Variants in IL1RAPL2 observed in about 807,000 individuals in gnomAD.
The protein encoded by IL1RAPL2 is X-linked interleukin-1 receptor accessory protein-like 2.
A neutral mutation model predicts 44.1 loss-of-function variants in IL1RAPL2; 3 were observed. The observed-to-expected ratio is 0.07, with a 90% CI of 0.03 to 0.18. The LOEUF (loss-of-function observed/expected upper bound fraction) is 0.18, where lower values mean the gene tolerates loss of function less well. Ranked by LOEUF, IL1RAPL2 falls within the 10% of genes least tolerant of loss-of-function variation. IL1RAPL2 has a pLI of 1.00. For synonymous variants in IL1RAPL2, 181 were observed against 178.8 expected (o/e 1.01, Z -0.10); for missense variants, 391 against 496.4 (o/e 0.79, Z 2.02).
intron 2 of IL1RAPL2, among the ~76,000 whole-genome samples, chrX:104,676,213 G>C (rs746420763): frequency 1.8e-5 from 2 of 111,546 alleles, no homozygotes; most frequent in African/African-American, 6.5e-5. Flanking sequence ...TTTACATTTT[G>C]GCATGATTTT....
At chrX:104,957,524 G>A (rs775951887) in intron 2 of IL1RAPL2, among the ~76,000 whole-genome samples, 1 of 111,354 alleles carries the variant, frequency 9.0e-6, no homozygotes, top group Non-Finnish European at 1.9e-5. Context: ...TAGTGTAATT[G>A]GATTTTGAGG....
At chrX:104,625,976 A>G (rs1198865899) in intron 1 of IL1RAPL2, among the ~76,000 whole-genome samples, 1 of 111,215 alleles carries the variant, frequency 9.0e-6, no homozygotes, top group Non-Finnish European at 1.9e-5. Context: ...GTAAACTGAC[A>G]GTATTTTACT....
intron 1 of IL1RAPL2, among the ~76,000 whole-genome samples, chrX:104,656,098 A>G (rs1036432050): frequency 3.1e-4 from 34 of 110,585 alleles, no homozygotes; most frequent in African/African-American, 9.8e-4. Flanking sequence ...TGGTCTATCA[A>G]TTTTTTTGAT....
At chrX:104,898,265 A>G (rs778632813) in intron 2 of IL1RAPL2, among the ~76,000 whole-genome samples, 16 of 111,721 alleles carry the variant, frequency 1.4e-4, no homozygotes, top group Non-Finnish European at 2.3e-4. Context: ...AAAATCTGGA[A>G]AGACAAGTAC....
intron 2 of IL1RAPL2, among the ~76,000 whole-genome samples, chrX:104,791,519 T>C (rs1040328370): frequency 8.9e-6 from 1 of 111,822 alleles, no homozygotes; most frequent in Non-Finnish European, 1.9e-5. Flanking sequence ...AACACACACA[T>C]ATACCCATGG....
At chrX:105,067,238 G>A (rs756334803) in intron 2 of IL1RAPL2, among the ~76,000 whole-genome samples, 5 of 110,495 alleles carry the variant, frequency 4.5e-5, no homozygotes, top group Non-Finnish European at 7.6e-5. Flanking sequence ...ACATACACAC[G>A]TGTGCGCGCA....
At chrX:105,368,113 G>T (rs754289511) in intron 5 of IL1RAPL2, among the ~76,000 whole-genome samples, 1 of 110,750 alleles carries the variant, frequency 9.0e-6, no homozygotes, top group African/African-American at 3.3e-5. Flanking sequence ...TTTTTGGGTC[G>T]TGGGGACACA....
intron 2 of IL1RAPL2, among the ~76,000 whole-genome samples, chrX:104,947,946 C>A (rs1233792168): frequency 9.0e-6 from 1 of 111,458 alleles, no homozygotes; most frequent in African/African-American, 3.3e-5. Context: ...TTTTCCAATT[C>A]TGTGAAGAAA....
intron 6 of IL1RAPL2, among the ~76,000 whole-genome samples, chrX:105,518,645 C>T (rs1273144215): frequency 8.9e-6 from 1 of 111,793 alleles, no homozygotes; most frequent in Non-Finnish European, 1.9e-5. Flanking sequence ...CTGCGAGTCT[C>T]TTTAGGATTG....
chrX:105,576,499 A>G (rs189082070), intron 6 of IL1RAPL2, among the ~76,000 whole-genome samples: 3 of 111,477 alleles, frequency 2.7e-5, no homozygotes, highest in Admixed American at 9.6e-5. Context: ...TAGTAAGTCA[A>G]TAGGTCAGCA....
At chrX:105,198,199 C>T (rs189039227) in intron 3 of IL1RAPL2, among the ~76,000 whole-genome samples, 139 of 111,574 alleles carry the variant, frequency 1.2e-3, no homozygotes, top group African/African-American at 3.3e-3. Context: ...AATAGCACTA[C>T]GATAAATACA....
chrX:105,591,495 G>A (rs1431248505), intron 6 of IL1RAPL2, among the ~76,000 whole-genome samples: 2 of 110,392 alleles, frequency 1.8e-5, no homozygotes, highest in African/African-American at 6.6e-5. Context: ...TCTATTTCCT[G>A]CTGGTGTGAT....
intron 2 of IL1RAPL2, among the ~76,000 whole-genome samples, chrX:104,993,207 T>C (rs2030694400): frequency 8.9e-6 from 1 of 111,760 alleles, no homozygotes; most frequent in South Asian, 3.7e-4. Context: ...ATGTTTCTTA[T>C]AGGTTAGGCA....
rs750368101 is a variant in IL1RAPL2 at position 105,474,114 on chromosome X, G to A, written c.698-10199G>A. On this transcript the variant is annotated intron_variant, in intron 5 of 10. Coordinates refer to ENST00000372582, the MANE Select transcript of IL1RAPL2 (RefSeq NM_017416.2). The stretch of plus-strand genomic sequence containing the variant: ...AAATCATCATGGATTATCCAGGTAA[G>A]CTCAATGAAATCACAGGTTTCCTTA... Among the ~76,000 whole-genome samples the A allele has an allele frequency of 2.0e-4, 22 of 111,545 alleles. 1 individual carries two copies. In the South Asian group the frequency reaches 7.1e-3, roughly 36 times the overall value.
intron 2 of IL1RAPL2, among the ~76,000 whole-genome samples, chrX:104,888,630 C>T (rs779580901): frequency 5.4e-5 from 6 of 110,657 alleles, no homozygotes; most frequent in African/African-American, 9.9e-5. Context: ...ACCTAACCCA[C>T]GCTCTGTTAA....
At chrX:105,505,033 A>G (rs2036421502) in intron 6 of IL1RAPL2, among the ~76,000 whole-genome samples, 1 of 111,407 alleles carries the variant, frequency 9.0e-6, no homozygotes, top group Non-Finnish European at 1.9e-5. Flanking sequence ...CTGGTATGGT[A>G]ATGTGGGATG....
At chrX:105,612,737 C>G (rs5916933) in intron 6 of IL1RAPL2, among the ~76,000 whole-genome samples, 34,937 of 110,709 alleles carry the variant, frequency 0.32, 4,104 homozygotes, top group Middle Eastern at 0.38. Context: ...TGCCCTGTCT[C>G]GGCAGAAAGC....
intron 6 of IL1RAPL2, among the ~76,000 whole-genome samples, chrX:105,698,959 G>C (rs1165325734): frequency 9.0e-6 from 1 of 111,269 alleles, no homozygotes; most frequent in Non-Finnish European, 1.9e-5. Context: ...ATATTACGAA[G>C]TTGTCATATG....
chrX:105,273,178 C>T (rs975936036), intron 5 of IL1RAPL2, among the ~76,000 whole-genome samples: 5 of 111,496 alleles, frequency 4.5e-5, no homozygotes, highest in Admixed American at 3.8e-4. Flanking sequence ...ACATACATTG[C>T]GTTTAGAGAT....
Sources: allele counts gnomAD v4.1 joint callset (sites outside exome capture counted in the v4.1 genomes callset), GRCh38; gene constraint gnomAD v4.1.1; transcripts MANE v1.5; gene names NCBI Gene and HGNC (gene_info 2026-07-23, HGNC 2026-07-21).